The following THADA variants were observed in gnomAD, a reference collection of about 807,000 sequenced individuals.
THADA encodes the protein tRNA (32-2'-O)-methyltransferase regulator THADA.
THADA carries 213 observed loss-of-function variants against 219.8 expected under a neutral mutation model. That is an observed-to-expected ratio of 0.97 (90% confidence interval 0.87 to 1.09). THADA has a LOEUF of 1.09. Ranked by LOEUF, THADA falls within the 50% of genes least tolerant of loss-of-function variation. The probability of loss-of-function intolerance (pLI) is 0.00; values close to 1 mark genes in which losing one functional copy is unlikely to be tolerated. For missense variants in THADA, 2,956 were observed against 2,311.3 expected, an observed-to-expected ratio of 1.28 and a Z score of -5.72; for synonymous variants, 1,018 against 828.9, an observed-to-expected ratio of 1.23 and a Z score of -3.92.
intron 30 of THADA, among the ~76,000 whole-genome samples, chr2:43,340,860 G>T (rs187839903): frequency 4.8e-4 from 73 of 152,308 alleles, no homozygotes; most frequent in African/African-American, 1.8e-3. Flanking sequence ...ACGAGAGGGG[G>T]TGTGTCTGAG....
At chr2:43,248,438 G>C (rs1669485399) in intron 36 of THADA, among the ~76,000 whole-genome samples, 1 of 151,930 alleles carries the variant, frequency 6.6e-6, no homozygotes. Flanking sequence ...TGCCATGTTG[G>C]CCAGGCTGGT....
chr2:43,351,549 T>C (rs1055291812), intron 29 of THADA, among the ~76,000 whole-genome samples: 3 of 152,196 alleles, frequency 2.0e-5, no homozygotes, highest in African/African-American at 7.2e-5. Context: ...TGCTCCAACA[T>C]CTCCTTTAAT....
chr2:43,570,842 C>T (rs78428333), intron 13 of THADA, among the ~76,000 whole-genome samples: 2 of 151,788 alleles, frequency 1.3e-5, no homozygotes, highest in Non-Finnish European at 2.9e-5. Flanking sequence ...TGATAATGAT[C>T]TTTTGAGGTG....
chr2:43,314,857 C>A (rs1392882113), intron 31 of THADA, among the ~76,000 whole-genome samples: 1 of 152,164 alleles, frequency 6.6e-6, no homozygotes, highest in Admixed American at 6.5e-5. Flanking sequence ...AAACAAAACC[C>A]CCAGATTTGA....
intron 36 of THADA, among the ~76,000 whole-genome samples, chr2:43,249,779 C>T (rs771026581): frequency 3.3e-5 from 5 of 152,242 alleles, no homozygotes; most frequent in Non-Finnish European, 7.4e-5. Flanking sequence ...CTTCTCAGTA[C>T]CCCATCCCCT....
At chr2:43,234,721 T>C (rs1349898323) in intron 36 of THADA, among the ~76,000 whole-genome samples, 1 of 152,238 alleles carries the variant, frequency 6.6e-6, no homozygotes, top group Non-Finnish European at 1.5e-5. Context: ...TGGCGTGATC[T>C]TGGCTCACTG....
chr2:43,394,285 C>T (rs112689771), intron 29 of THADA, among the ~76,000 whole-genome samples: 3 of 152,154 alleles, frequency 2.0e-5, no homozygotes, highest in East Asian at 3.9e-4. Flanking sequence ...TTTGCATGTG[C>T]TATAATTTGA....
chr2:43,595,071 C>G (rs1419662276), intron 1 of THADA, among the ~76,000 whole-genome samples: 3 of 152,202 alleles, frequency 2.0e-5, no homozygotes, highest in Admixed American at 6.5e-5. Context: ...GTGCCTGGCA[C>G]ATAGTAGGTG....
At chr2:43,443,384 G>A (rs983838791) in intron 26 of THADA, among the ~76,000 whole-genome samples, 1 of 152,222 alleles carries the variant, frequency 6.6e-6, no homozygotes, top group African/African-American at 2.4e-5. Context: ...TGAGTACCCT[G>A]CCAGAGCTTG....
chr2:43,424,867 G>A (rs1678211830), intron 28 of THADA, among the ~76,000 whole-genome samples: 1 of 152,040 alleles, frequency 6.6e-6, no homozygotes, highest in African/African-American at 2.4e-5. Flanking sequence ...TGCCACACAT[G>A]GTTAACCAAT....
intron 29 of THADA, among the ~76,000 whole-genome samples, chr2:43,396,918 T>C (rs990037601): frequency 5.9e-5 from 9 of 152,200 alleles, no homozygotes; most frequent in African/African-American, 1.9e-4. Flanking sequence ...TATAGGTTTA[T>C]TAAAATTAAT....
chr2:43,508,596 T>C, intron 23 of THADA, 52 bp downstream of exon 23: 2 of 1,582,200 alleles, frequency 1.3e-6, no homozygotes, highest in East Asian at 2.2e-5. Context: ...TAGGATACAC[T>C]ATCATCAAAA....
intron 28 of THADA, among the ~76,000 whole-genome samples, chr2:43,414,434 A>T (rs1254299987): frequency 6.6e-6 from 1 of 152,218 alleles, no homozygotes; most frequent in Non-Finnish European, 1.5e-5. Context: ...CCTCTTGGCT[A>T]GGTATTCGAA....
At chr2:43,506,690 T>C (rs1183896443) in intron 23 of THADA, among the ~76,000 whole-genome samples, 3 of 152,162 alleles carry the variant, frequency 2.0e-5, no homozygotes, top group Non-Finnish European at 4.4e-5. Flanking sequence ...AACCACTGAA[T>C]TGTACACTTT....
intron 15 of THADA, chr2:43,563,120 T>C (rs6756710): frequency 0.37 from 56,660 of 152,044 alleles, 11,157 homozygotes; most frequent in African/African-American, 0.49. Context: ...TCTTCTCTTC[T>C]AATTGCTTGA....
chr2:43,389,682 C>T (rs559353878), intron 29 of THADA, among the ~76,000 whole-genome samples: 3 of 152,282 alleles, frequency 2.0e-5, no homozygotes, highest in South Asian at 4.1e-4. Flanking sequence ...TACTCACTGC[C>T]TCCTGCAAAC....
Position 43,592,404 on chromosome 2 carries a change from T to C in THADA, c.-12A>G. The C allele has an allele frequency of 1.9e-6, 3 of 1,567,922 alleles. No homozygotes were observed. Among genetic ancestry groups the C allele is most frequent in the South Asian group, 1.2e-5 (1 of 86,354 alleles). ...TTCTTTACACCCATTTTAAATAGAA[T>C]TAATAGTAGTCACTGCAAGAAAGAA... On this transcript the variant is annotated 5_prime_UTR_variant, in exon 2 of 38. Coordinates refer to ENST00000405975, the MANE Select transcript of THADA (RefSeq NM_022065.5).
At chr2:43,378,382 T>C (rs1019391910) in intron 29 of THADA, among the ~76,000 whole-genome samples, 1 of 152,192 alleles carries the variant, frequency 6.6e-6, no homozygotes, top group Non-Finnish European at 1.5e-5. Flanking sequence ...AAGAATATTC[T>C]GGAATTTAAT....
At chr2:43,462,391 A>G (rs1445166041) in intron 26 of THADA, among the ~76,000 whole-genome samples, 2 of 152,120 alleles carry the variant, frequency 1.3e-5, no homozygotes, top group Non-Finnish European at 2.9e-5. Flanking sequence ...GTGCCTGAAA[A>G]TCTCTAAATC....
Sources: allele counts gnomAD v4.1 joint callset (sites outside exome capture counted in the v4.1 genomes callset), GRCh38; gene constraint gnomAD v4.1.1; transcripts MANE v1.5; gene names NCBI Gene and HGNC (gene_info 2026-07-23, HGNC 2026-07-21).